Variants in MTBP observed in about 807,000 individuals in gnomAD.
The protein encoded by MTBP is mdm2-binding protein.
Under a neutral mutation model 117.0 loss-of-function variants are expected in MTBP, and 101 were observed. The ratio of observed to expected loss-of-function variants is 0.86; its 90% confidence interval spans 0.73 to 1.02. MTBP has a LOEUF of 1.02. MTBP is among the 50% of genes least tolerant of loss of function. The pLI, the probability that MTBP is intolerant of heterozygous loss-of-function variation, is 0.00. For missense variants in MTBP, 970 were observed against 1,030.9 expected, an observed-to-expected ratio of 0.94 and a Z score of 0.81; for synonymous variants, 350 against 351.5, an observed-to-expected ratio of 1.00 and a Z score of 0.05.
intron 13 of MTBP, among the ~76,000 whole-genome samples, chr8:120,495,836 A>G (rs551913119): frequency 5.3e-5 from 8 of 152,212 alleles, no homozygotes; most frequent in African/African-American, 1.9e-4. Context: ...AGAAAATTAT[A>G]GCAAACTTTG....
At chr8:120,519,940 T>C (rs1159464397) in intron 20 of MTBP, among the ~76,000 whole-genome samples, 4 of 152,146 alleles carry the variant, frequency 2.6e-5, no homozygotes, top group Admixed American at 2.0e-4. Context: ...TCAGTGACAC[T>C]GTAGGAAATA....
At chr8:120,446,614 T>C in intron 2 of MTBP, 101 bp downstream of exon 2, 1 of 756,552 alleles carries the variant, frequency 1.3e-6, no homozygotes, top group East Asian at 2.5e-5. Flanking sequence ...ACTTCTTGAC[T>C]GTGTACAAGG....
chr8:120,510,007 G>C lies in MTBP; in HGVS notation c.1957G>C (p.Val653Leu), dbSNP rs758497939. The change falls in exon 17 of 22, where the codon GTA becomes CTA. Residue 653 changes from valine to leucine, a missense_variant. Transcript: ENST00000305949. ...GGTCTTACCTTTTGAGAAAGCCTCAGTATGTCATTATCATGGAATTGAGTA... is the reference window on the plus strand; with the variant it reads ...GGTCTTACCTTTTGAGAAAGCCTCACTATGTCATTATCATGGAATTGAGTA... Reference protein sequence around the residue: ...LQVLPFEKASVCHYHGIEYCL... With the variant: ...LQVLPFEKASLCHYHGIEYCL... 6.2e-7 allele frequency: 1 copy of C among 1,611,222 alleles called. No individual in the cohort carries two copies.
intron 18 of MTBP, among the ~76,000 whole-genome samples, chr8:120,517,025 A>G (rs1009824618): frequency 6.6e-6 from 1 of 152,050 alleles, no homozygotes. Context: ...CTATATTTAT[A>G]GCCATATTTC....
intron 16 of MTBP, among the ~76,000 whole-genome samples, chr8:120,508,382 G>A (rs945559510): frequency 1.3e-5 from 2 of 152,120 alleles, no homozygotes; most frequent in African/African-American, 4.8e-5. Flanking sequence ...ATTGATATGA[G>A]AAATGAGAGA....
intron 2 of MTBP, among the ~76,000 whole-genome samples, chr8:120,450,633 A>G (rs1295561625): frequency 2.0e-5 from 3 of 152,190 alleles, no homozygotes; most frequent in African/African-American, 7.2e-5. Flanking sequence ...TGGAGAGGGA[A>G]TTGCTTTCAC....
At chr8:120,501,546 T>G (rs1181862358) in intron 14 of MTBP, among the ~76,000 whole-genome samples, 1 of 150,762 alleles carries the variant, frequency 6.6e-6, no homozygotes, top group East Asian at 1.9e-4. Context: ...GAGACTCTTG[T>G]CTCTGGAAAA....
intron 17 of MTBP, among the ~76,000 whole-genome samples, chr8:120,511,523 A>G (rs1248973165): frequency 6.6e-6 from 1 of 152,068 alleles, no homozygotes; most frequent in Non-Finnish European, 1.5e-5. Context: ...TTGAACTCCT[A>G]ACCTCAGGTG....
Position 120,465,752 on chromosome 8 carries a change from C to T in MTBP, c.1047+1991C>T, listed in dbSNP as rs182726634. Among the ~76,000 whole-genome samples the T allele has an allele frequency of 1.8e-3, 266 of 150,820 alleles. 2 individuals are homozygous for T. Among genetic ancestry groups the T allele is most frequent in the African/African-American group, 6.1e-3 (252 of 41,216 alleles). ...TCAGCTCACCGCAACCTCTGCCTCCCGGGTTCAAGTGATTCTCCTGCCTCA... is the reference window on the plus strand; with the variant it reads ...TCAGCTCACCGCAACCTCTGCCTCCTGGGTTCAAGTGATTCTCCTGCCTCA... On this transcript the variant is annotated intron_variant, in intron 10 of 21. Transcript: ENST00000305949.
chr8:120,470,162 A>C (rs1349342539), intron 10 of MTBP, among the ~76,000 whole-genome samples: 1 of 152,216 alleles, frequency 6.6e-6, no homozygotes, highest in African/African-American at 2.4e-5. Context: ...GAATTTACCT[A>C]AATAGATTAT....
rs1240113544 is a variant in MTBP, at chr8:120,455,543, C to A, written c.593C>A (p.Ser198Ter). ...GALKHLREWY[S>*]AKITIAGNHC... ...TTAAAACATTTGAGAGAATGGTATT[C>A]AGCAAAGATCACTATAGCAGGAAAT... The change falls in exon 6 of 22, where the codon TCA becomes TAA. Residue 198 changes from serine (S) to a stop codon, truncating the protein, a stop_gained. Coordinates refer to ENST00000305949, the MANE Select transcript of MTBP (RefSeq NM_022045.5). LOFTEE classifies it high-confidence loss of function. The A allele has an allele frequency of 6.2e-7, 1 of 1,609,552 alleles. No individual in the cohort carries two copies. The highest frequency in any genetic ancestry group is 8.5e-7 in the Non-Finnish European group (1 of 1,178,202).
At position 120,490,564 on chromosome 8, in the gene MTBP, T is replaced by C; in HGVS notation, c.1441T>C (p.Cys481Arg). 1 of 1,588,474 alleles carries C rather than the reference T, an allele frequency of 6.3e-7. No homozygotes were observed. The change falls in exon 13 of 22, where the codon TGC becomes CGC. Residue 481 changes from cysteine (C) to arginine (R), a missense_variant. Cys to Arg is a radical substitution (Grantham distance 180). Transcript: ENST00000305949. ...TGTTCAAGTTTTAGCTTTGGAAGAA[T>C]GCCTAAGTAAGTAACAATTTGTGTA... ...ANVQVLALEE[C>R]LKRRKLAKQP...
intron 2 of MTBP, among the ~76,000 whole-genome samples, chr8:120,450,058 A>G (rs1419051375): frequency 6.6e-6 from 1 of 152,198 alleles, no homozygotes; most frequent in Non-Finnish European, 1.5e-5. Flanking sequence ...ATACTTTGAG[A>G]AACACTTGTG....
At chr8:120,446,299 G>T in intron 1 of MTBP, 134 bp from the exon 2 acceptor site, 1 of 624,826 alleles carries the variant, frequency 1.6e-6, no homozygotes, top group Admixed American at 2.6e-5. Context: ...ATCAAAACTT[G>T]AACAGATCTT....
intron 11 of MTBP, among the ~76,000 whole-genome samples, chr8:120,474,671 T>C (rs1453831478): frequency 2.6e-5 from 4 of 152,072 alleles, no homozygotes; most frequent in Admixed American, 6.6e-5. Context: ...CATTCATTCA[T>C]CTAGTCAGTT....
At chr8:120,451,122 A>G in intron 3 of MTBP, 46 bp downstream of exon 3, 1 of 1,578,116 alleles carries the variant, frequency 6.3e-7, no homozygotes, top group Non-Finnish European at 8.6e-7. Context: ...CTTTACTAAT[A>G]TAAATAATTT....
At chr8:120,522,763 AT>A in intron 21 of MTBP, 44 bp downstream of exon 21, 1 of 1,472,392 alleles carries the variant, frequency 6.8e-7, no homozygotes, top group Non-Finnish European at 9.3e-7. Flanking sequence ...TTAAATTGGT[AT>A]TTTATTTCAG....
intron 15 of MTBP, 100 bp from the exon 16 acceptor site, chr8:120,506,606 A>C (rs1182613492): frequency 2.2e-6 from 2 of 895,968 alleles, no homozygotes; most frequent in Non-Finnish European, 3.2e-6. Flanking sequence ...GTTTCTGCTC[A>C]CATCTTCTTT....
intron 11 of MTBP, among the ~76,000 whole-genome samples, chr8:120,486,078 C>T (rs995626384): frequency 1.3e-5 from 2 of 152,164 alleles, no homozygotes; most frequent in African/African-American, 4.8e-5. Context: ...AAATTTGATT[C>T]ATTTTTGTGG....
Sources: gnomAD v4.1 joint callset for allele counts (sites outside exome capture counted in the v4.1 genomes callset) on GRCh38, gnomAD v4.1.1 for gene constraint, MANE v1.5 for transcripts, NCBI Gene and HGNC (gene_info 2026-07-23, HGNC 2026-07-21) for gene names.